KCTD2: variants seen among roughly 807,000 people sequenced by gnomAD.
The protein encoded by KCTD2 is potassium channel tetramerization domain containing 2, also known as BTB/POZ domain-containing protein KCTD2.
KCTD2 carries 18 observed loss-of-function variants against 27.9 expected under a neutral mutation model. The ratio of observed to expected loss-of-function variants is 0.64; its 90% CI spans 0.45 to 0.96. The LOEUF (loss-of-function observed/expected upper bound fraction) is 0.96, where lower values mean the gene tolerates loss of function less well. KCTD2 is among the 40% of genes least tolerant of loss of function. The probability of loss-of-function intolerance (pLI) is 0.00; values close to 1 mark genes in which losing one functional copy is unlikely to be tolerated. For missense variants in KCTD2, 280 were observed against 348.0 expected (o/e 0.80, Z 1.56); for synonymous variants, 175 against 148.4 (o/e 1.18, Z -1.30).
At chr17:75,057,058 G>A (rs1047748413) in intron 3 of KCTD2, among the ~76,000 whole-genome samples, 6 of 146,916 alleles carry the variant, frequency 4.1e-5, no homozygotes, top group East Asian at 2.0e-4. Flanking sequence ...GGGTTCCAGC[G>A]ATTCACCTGC....
chr17:75,046,568 A>T (rs2073219841), upstream of KCTD2, among the ~76,000 whole-genome samples: 1 of 152,228 alleles, frequency 6.6e-6, no homozygotes, highest in Admixed American at 6.5e-5. Flanking sequence ...CCCCGCAGCC[A>T]GCTGAGCGTC....
intron 3 of KCTD2, chr17:75,039,167 A>C (rs763518477): frequency 3.7e-6 from 6 of 1,612,972 alleles, no homozygotes; most frequent in Non-Finnish European, 4.2e-6. Flanking sequence ...GTCATGAAAG[A>C]GAGAACCCAT....
rs774148960 is a variant in KCTD2 at position 75,063,049 on chromosome 17, C to T, written c.*2C>T. Reference sequence around the variant, plus strand: ...CAGGAGAGAGGATCGCGGATGTAAACTAAGACCCCGAAAACTCCAGACCTT... The same window carrying T: ...CAGGAGAGAGGATCGCGGATGTAAATTAAGACCCCGAAAACTCCAGACCTT... On this transcript the variant is annotated 3_prime_UTR_variant, in exon 6 of 6. Transcript: ENST00000322444. 8.7e-6 allele frequency: 14 copies of T among 1,613,736 alleles called. No individual in the cohort carries two copies. The South Asian group carries it at 1.5e-4, about 18-fold the overall frequency.
At chr17:75,034,422 C>A (rs772379208) in intron 2 of KCTD2, among the ~76,000 whole-genome samples, 34 of 152,298 alleles carry the variant, frequency 2.2e-4, no homozygotes, top group African/African-American at 8.2e-4. Context: ...CGAGCACAGC[C>A]CCTCTCGACA....
intron 3 of KCTD2, among the ~76,000 whole-genome samples, chr17:75,057,212 C>G (rs1030621849): frequency 3.9e-5 from 6 of 152,070 alleles, no homozygotes; most frequent in African/African-American, 1.4e-4. Context: ...CCTCAGCCTC[C>G]CAAAGTGCTG....
chr17:75,049,227 C>T lies in KCTD2; in HGVS notation c.347C>T (p.Thr116Ile), dbSNP rs2073260290. 6.2e-7 allele frequency: 1 copy of T among 1,605,236 alleles called. No individual in the cohort carries two copies. Among genetic ancestry groups the T allele is most frequent in the Non-Finnish European group, 8.5e-7 (1 of 1,172,282 alleles). ...CTTGTGTTTGGTTGGCAGGATGAGA[C>T]AGGAGCCTATCTGATTGACAGGGAC... ...DPELDSDKDE[T>I]GAYLIDRDPT... Residue 116 changes from threonine to isoleucine, a missense_variant, in exon 2 of 6, where the codon ACA becomes ATA. By Grantham distance (89) the Thr-to-Ile change is moderately conservative (BLOSUM62 -1). Transcript: ENST00000322444.
rs1247950442 is a variant in KCTD2, at chr17:75,052,995, A to C, written c.449-19A>C. 1 of 1,602,544 alleles carries C rather than the reference A, an allele frequency of 6.2e-7. No individual in the cohort carries two copies. Among genetic ancestry groups the C allele is most frequent in the Non-Finnish European group, 8.6e-7 (1 of 1,169,344 alleles). ...CAAACCCTCGCACCTATCTGACTGC[A>C]GTTTTGTCCTTGTTCCAGGTGTGCT... is the stretch of plus-strand genomic sequence containing the variant. On this transcript the variant is annotated intron_variant, in intron 2 of 5. Coordinates refer to ENST00000322444, the MANE Select transcript of KCTD2 (RefSeq NM_015353.3).
chr17:75,059,819 C>T (rs1345742747), intron 4 of KCTD2, among the ~76,000 whole-genome samples: 3 of 152,212 alleles, frequency 2.0e-5, no homozygotes, highest in African/African-American at 7.2e-5. Flanking sequence ...CATGTCTTAG[C>T]TTCACACGCA....
chr17:75,040,931 A>G (rs1457025287), intron 3 of KCTD2: 1 of 151,916 alleles, frequency 6.6e-6, no homozygotes, highest in African/African-American at 2.4e-5. Context: ...TCCAGCACTT[A>G]ACACTACCTG....
At chr17:75,035,760 G>A (rs1033675592) in intron 3 of KCTD2, among the ~76,000 whole-genome samples, 1 of 152,174 alleles carries the variant, frequency 6.6e-6, no homozygotes, top group African/African-American at 2.4e-5. Context: ...TTGAATCCAG[G>A]AGGCCGAGGT....
chr17:75,054,054 G>A (rs1316895896), intron 3 of KCTD2, among the ~76,000 whole-genome samples: 2 of 151,738 alleles, frequency 1.3e-5, no homozygotes, highest in South Asian at 2.1e-4. Flanking sequence ...TCTCACTCCC[G>A]TTGCCCAGGT....
At chr17:75,035,512 T>TA (rs1363468164) in intron 3 of KCTD2, among the ~76,000 whole-genome samples, 5 of 152,134 alleles carry the variant, frequency 3.3e-5, no homozygotes, top group Admixed American at 1.3e-4. Context: ...GTTATGAAGT[T>TA]AAACAGCAGA....
At chr17:75,043,313 A>G, upstream of KCTD2, among the ~76,000 whole-genome samples, 1 of 151,404 alleles carries the variant, frequency 6.6e-6, no homozygotes, top group Non-Finnish European at 1.5e-5. Context: ...ATTTAGCCTT[A>G]AAAGCCCAGC....
chr17:75,040,309 C>T (rs2073146034), intron 3 of KCTD2: 5 of 907,010 alleles, frequency 5.5e-6, no homozygotes, highest in South Asian at 4.3e-5. Context: ...GTGTCCCAAG[C>T]GGAAACGAAT....
At chr17:75,036,611 C>G (rs533289900) in intron 3 of KCTD2, among the ~76,000 whole-genome samples, 94 of 152,370 alleles carry the variant, frequency 6.2e-4, no homozygotes, top group Non-Finnish European at 1.1e-3. Flanking sequence ...TGGGGTTGCC[C>G]CCTTCACATC....
intron 3 of KCTD2, among the ~76,000 whole-genome samples, chr17:75,057,791 C>A (rs1664608858): frequency 6.6e-6 from 1 of 151,482 alleles, no homozygotes; most frequent in African/African-American, 2.4e-5. Flanking sequence ...GAACTCCCAA[C>A]CTCAGATGAT....
intron 2 of KCTD2, among the ~76,000 whole-genome samples, chr17:75,049,787 G>A (rs2073265930): frequency 1.3e-5 from 2 of 152,222 alleles, no homozygotes; most frequent in South Asian, 4.1e-4. Context: ...CCCTGTAAAT[G>A]TTTGCAGCTG....
chr17:75,060,010 G>A (rs757706235), intron 4 of KCTD2, among the ~76,000 whole-genome samples: 9 of 152,112 alleles, frequency 5.9e-5, no homozygotes, highest in Non-Finnish European at 1.3e-4. Context: ...GTAATCCACC[G>A]TGAAGAGCTT....
At chr17:75,039,947 T>C (rs2073141778) in intron 3 of KCTD2, 6 of 820,274 alleles carry the variant, frequency 7.3e-6, no homozygotes, top group Non-Finnish European at 1.2e-5. Flanking sequence ...TTGAAATTCG[T>C]CCATGTTGTT....
Sources: gnomAD v4.1 joint callset for allele counts (sites outside exome capture counted in the v4.1 genomes callset) on GRCh38, gnomAD v4.1.1 for gene constraint, MANE v1.5 for transcripts, NCBI Gene and HGNC (gene_info 2026-07-23, HGNC 2026-07-21) for gene names.